The following BANK1 variants were observed in gnomAD, a reference collection of about 807,000 sequenced individuals.
BANK1 encodes the protein B cell scaffold protein with ankyrin repeats 1.
In BANK1, 95 loss-of-function variants were observed where a neutral mutation model predicts 94.5. The ratio of observed to expected loss-of-function variants is 1.00; its 90% CI spans 0.85 to 1.19. The LOEUF is 1.19. Ranked by LOEUF, BANK1 falls within the 50% of genes most tolerant of loss-of-function variation. The pLI is 0.00. For synonymous variants in BANK1, 334 were observed against 308.4 expected (o/e 1.08, Z -0.87); for missense variants, 987 against 932.2 (o/e 1.06, Z -0.77).
At chr4:102,046,907 C>A (rs1727897282) in intron 11 of BANK1, among the ~76,000 whole-genome samples, 2 of 152,018 alleles carry the variant, frequency 1.3e-5, no homozygotes, top group African/African-American at 4.8e-5. Flanking sequence ...ATTAGCTGCC[C>A]ATGATAATGA....
chr4:101,904,409 T>C (rs1421785720), intron 6 of BANK1, among the ~76,000 whole-genome samples: 4 of 152,254 alleles, frequency 2.6e-5, no homozygotes, highest in African/African-American at 9.6e-5. Context: ...AACTAATTTC[T>C]CTAAAGCCTC....
intron 7 of BANK1, among the ~76,000 whole-genome samples, chr4:101,986,657 C>A (rs951517410): frequency 2.6e-5 from 4 of 151,260 alleles, no homozygotes; most frequent in African/African-American, 9.7e-5. Flanking sequence ...TACCCTATCA[C>A]CAATACCACC....
intron 7 of BANK1, among the ~76,000 whole-genome samples, chr4:102,010,235 A>C (rs1412615389): frequency 6.6e-6 from 1 of 152,082 alleles, no homozygotes; most frequent in Non-Finnish European, 1.5e-5. Flanking sequence ...ACTGCACTCC[A>C]GCCTGGGCGA....
chr4:102,024,182 A>G (rs1024891857), intron 8 of BANK1, among the ~76,000 whole-genome samples: 12 of 152,196 alleles, frequency 7.9e-5, no homozygotes, highest in Non-Finnish European at 1.3e-4. Context: ...TTCATTTTAA[A>G]GAAGTCTTTC....
intron 5 of BANK1, among the ~76,000 whole-genome samples, chr4:101,891,906 T>G (rs1721892449): frequency 6.6e-6 from 1 of 152,020 alleles, no homozygotes; most frequent in Non-Finnish European, 1.5e-5. Context: ...TTTATTTGTT[T>G]CAAGCATGAT....
chr4:102,030,101 C>G lies in BANK1; in HGVS notation c.1736C>G (p.Thr579Ser), dbSNP rs773468425. ...CAGGAGGAGGAAGAAGACCCATATA[C>G]TTTTGCTGAGATTGATGACAGTGAA... ...KEQEEEEDPYTFAEIDDSEYD... is the reference protein window; with the variant it reads ...KEQEEEEDPYSFAEIDDSEYD... Residue 579 changes from threonine to serine, a missense_variant, in exon 10 of 17, where the codon ACT becomes AGT. Thr to Ser is a moderately conservative substitution (Grantham distance 58). Transcript: ENST00000322953. 3 of 1,613,964 alleles carry G rather than the reference C, an allele frequency of 1.9e-6. No individual in the cohort carries two copies. The highest frequency in any genetic ancestry group is 2.5e-6 in the Non-Finnish European group (3 of 1,179,954).
chr4:101,910,011 T>C (rs1267209006), intron 6 of BANK1, among the ~76,000 whole-genome samples: 1 of 152,230 alleles, frequency 6.6e-6, no homozygotes, highest in Non-Finnish European at 1.5e-5. Context: ...TTTAGTTCTC[T>C]GTGAGGTTAA....
chr4:101,965,011 C>T (rs946379475), intron 7 of BANK1, among the ~76,000 whole-genome samples: 12 of 145,616 alleles, frequency 8.2e-5, no homozygotes, highest in Admixed American at 3.6e-4. Context: ...TGAGAATATG[C>T]GGTGTTTGGT....
intron 7 of BANK1, among the ~76,000 whole-genome samples, chr4:101,968,562 C>G (rs1431085511): frequency 6.6e-6 from 1 of 151,652 alleles, no homozygotes; most frequent in Non-Finnish European, 1.5e-5. Flanking sequence ...AACAATGCCC[C>G]GTTGGTTGCA....
At chr4:101,921,630 A>T (rs923576495) in intron 7 of BANK1, among the ~76,000 whole-genome samples, 1 of 151,952 alleles carries the variant, frequency 6.6e-6, no homozygotes, top group Admixed American at 6.6e-5. Context: ...GATTACATCA[A>T]TGTGTAAATA....
chr4:101,925,827 T>TAAC (rs1488770333), intron 7 of BANK1, among the ~76,000 whole-genome samples: 1 of 151,700 alleles, frequency 6.6e-6, no homozygotes, highest in Non-Finnish European at 1.5e-5. Context: ...TAGAACAGGG[T>TAAC]AACCTAGAGC....
intron 7 of BANK1, among the ~76,000 whole-genome samples, chr4:101,970,370 A>G (rs1225914874): frequency 6.6e-6 from 1 of 152,172 alleles, no homozygotes; most frequent in African/African-American, 2.4e-5. Flanking sequence ...TGGTTTGAAT[A>G]TTTAGGAATT....
At chr4:101,922,059 A>G (rs766996025) in intron 7 of BANK1, among the ~76,000 whole-genome samples, 2 of 135,848 alleles carry the variant, frequency 1.5e-5, no homozygotes, top group Non-Finnish European at 3.2e-5. Flanking sequence ...TGTGTGTGAG[A>G]CAGAGAGATT....
Position 102,063,082 on chromosome 4 carries a change from TACG to T in BANK1, c.2159_2161del (p.Arg720del), listed in dbSNP as rs1274894351. On this transcript the variant is annotated inframe_deletion, in exon 13 of 17. Coordinates refer to ENST00000322953, the MANE Select transcript of BANK1 (RefSeq NM_017935.5). Reference sequence around the variant, plus strand: ...GGTTGTTTCCACATTAAGGAGAAATTACGACAACTACGAGACTGCATTATTGGG... The same window carrying T: ...GGTTGTTTCCACATTAAGGAGAAATTACAACTACGAGACTGCATTATTGGG... 1 of 1,613,426 alleles carries T rather than the reference TACG, an allele frequency of 6.2e-7. No individual in the cohort carries two copies. Among genetic ancestry groups the T allele is most frequent in the South Asian group, 1.1e-5 (1 of 91,040 alleles).
At chr4:101,974,867 G>A (rs1485216014) in intron 7 of BANK1, among the ~76,000 whole-genome samples, 1 of 152,024 alleles carries the variant, frequency 6.6e-6, no homozygotes, top group Non-Finnish European at 1.5e-5. Context: ...TGAGGCAGGA[G>A]AATCACTTGA....
At chr4:102,016,003 A>C (rs1198854740) in intron 7 of BANK1, among the ~76,000 whole-genome samples, 2 of 152,214 alleles carry the variant, frequency 1.3e-5, no homozygotes, top group African/African-American at 2.4e-5. Context: ...CCTTCCATGC[A>C]ACCTAACCAA....
Position 102,025,208 on chromosome 4 carries a change from G to A in BANK1, c.1293G>A (p.Gln431=). 1 of 1,613,994 alleles carries A rather than the reference G, an allele frequency of 6.2e-7. No homozygotes were observed. Residue 431 remains glutamine (Q), a synonymous_variant, in exon 9 of 17, where the codon CAG becomes CAA. Coordinates refer to ENST00000322953, the MANE Select transcript of BANK1 (RefSeq NM_017935.5). ...ASFSTYIPST[Q]NPAFHHESRK... ...AATCTTCATCATAAACAGCCACACA[G>A]AACCCAGCATTTCATCATGAAAGCA... is the stretch of plus-strand genomic sequence containing the variant.
intron 7 of BANK1, among the ~76,000 whole-genome samples, chr4:101,986,917 A>G (rs1222282451): frequency 3.8e-5 from 5 of 132,490 alleles, no homozygotes; most frequent in African/African-American, 1.2e-4. Context: ...ATATATATAT[A>G]TATATATATA....
At chr4:101,954,023 C>T (rs1045513909) in intron 7 of BANK1, among the ~76,000 whole-genome samples, 1 of 151,840 alleles carries the variant, frequency 6.6e-6, no homozygotes, top group Non-Finnish European at 1.5e-5. Flanking sequence ...TCTGGAGACC[C>T]GAGGAAGAAT....
Sources: allele counts gnomAD v4.1 joint callset (sites outside exome capture counted in the v4.1 genomes callset), GRCh38; gene constraint gnomAD v4.1.1; transcripts MANE v1.5; gene names NCBI Gene and HGNC (gene_info 2026-07-23, HGNC 2026-07-21).